Variants in ARHGAP10 observed in about 807,000 individuals in gnomAD.
ARHGAP10 encodes rho GTPase-activating protein 10.
In ARHGAP10, 87 loss-of-function variants were observed where a neutral mutation model predicts 108.6. That is an observed-to-expected ratio of 0.80 (90% confidence interval 0.67 to 0.96). The LOEUF is 0.96. Among genes scored for constraint, ARHGAP10 ranks in the 40% least tolerant of loss-of-function variants. The pLI, the probability that ARHGAP10 is intolerant of heterozygous loss-of-function variation, is 0.00. For synonymous variants in ARHGAP10, 347 were observed against 341.1 expected (o/e 1.02, Z -0.19); for missense variants, 939 against 954.5 (o/e 0.98, Z 0.21).
chr4:147,753,803 A>G (rs1729262832), intron 1 of ARHGAP10, among the ~76,000 whole-genome samples: 1 of 152,216 alleles, frequency 6.6e-6, no homozygotes, highest in Non-Finnish European at 1.5e-5. Flanking sequence ...TTGAAAATTT[A>G]CATTGGGATG....
intron 1 of ARHGAP10, among the ~76,000 whole-genome samples, chr4:147,796,502 C>CT (rs1281605744): frequency 2.6e-5 from 4 of 151,974 alleles, no homozygotes; most frequent in Non-Finnish European, 4.4e-5. Flanking sequence ...TGGTTCATCT[C>CT]TTTTTTTCCT....
intron 3 of ARHGAP10, among the ~76,000 whole-genome samples, chr4:147,830,322 C>T (rs80057641): frequency 0.04 from 6,063 of 152,132 alleles, 435 homozygotes; most frequent in African/African-American, 0.14. Flanking sequence ...ACAGGCAAGA[C>T]GTGATGCCTG....
chr4:147,756,764 G>T lies in ARHGAP10; in HGVS notation c.154+24309G>T, dbSNP rs192516609. Among the ~76,000 whole-genome samples, 4 of 152,252 alleles carry T rather than the reference G, an allele frequency of 2.6e-5. No homozygotes were observed. In the East Asian group the frequency reaches 7.7e-4, roughly 29 times the overall value. ...AATATATCCTCCCTGGATAAGGGGG[G>T]ACCACTATATTGTTATTGGTCTTAG... On this transcript the variant is annotated intron_variant, in intron 1 of 22. Transcript: ENST00000336498.
intron 1 of ARHGAP10, among the ~76,000 whole-genome samples, chr4:147,767,943 A>T (rs1194547022): frequency 6.6e-6 from 1 of 152,260 alleles, no homozygotes; most frequent in Non-Finnish European, 1.5e-5. Context: ...TTATCAAATT[A>T]TGAAATGTGT....
chr4:147,907,847 C>G (rs2126911971), intron 11 of ARHGAP10, among the ~76,000 whole-genome samples: 1 of 152,244 alleles, frequency 6.6e-6, no homozygotes, highest in South Asian at 2.1e-4. Flanking sequence ...TGTAGTTTTA[C>G]TTCTATTGAT....
chr4:147,867,648 G>A (rs532920988), intron 7 of ARHGAP10, among the ~76,000 whole-genome samples: 14 of 152,058 alleles, frequency 9.2e-5, no homozygotes, highest in Middle Eastern at 3.4e-3. Context: ...GGCAGATCGC[G>A]AGGTCAAGAG....
chr4:148,068,247 A>G (rs1729989575), intron 22 of ARHGAP10, among the ~76,000 whole-genome samples: 1 of 152,190 alleles, frequency 6.6e-6, no homozygotes, highest in Non-Finnish European at 1.5e-5. Context: ...TGGCAGCGGC[A>G]GCAGCAGCGG....
chr4:147,895,227 G>A (rs1263714540), intron 10 of ARHGAP10, among the ~76,000 whole-genome samples: 1 of 151,570 alleles, frequency 6.6e-6, no homozygotes, highest in Non-Finnish European at 1.5e-5. Flanking sequence ...TAAAATATTT[G>A]TTTTACCTTT....
intron 1 of ARHGAP10, among the ~76,000 whole-genome samples, chr4:147,792,905 T>TTC (rs1731172383): frequency 6.6e-6 from 1 of 152,312 alleles, no homozygotes; most frequent in Admixed American, 6.5e-5. Context: ...ATCCCAGCAC[T>TTC]TTGGGAGGCC....
At chr4:147,896,742 G>C (rs76846050) in intron 10 of ARHGAP10, among the ~76,000 whole-genome samples, 222 of 151,528 alleles carry the variant, frequency 1.5e-3, no homozygotes, top group African/African-American at 5.1e-3. Flanking sequence ...TTTTGAGATG[G>C]GCATTTGAAT....
At chr4:147,739,801 TC>T (rs1308045302) in intron 1 of ARHGAP10, among the ~76,000 whole-genome samples, 1 of 151,426 alleles carries the variant, frequency 6.6e-6, no homozygotes, top group African/African-American at 2.4e-5. Context: ...AATGGCATGA[TC>T]TTGGTTCACT....
chr4:147,867,588 G>A (rs550307896), intron 7 of ARHGAP10, among the ~76,000 whole-genome samples: 40 of 152,166 alleles, frequency 2.6e-4, no homozygotes, highest in Middle Eastern at 3.4e-3. Flanking sequence ...AGAGTGGGCC[G>A]GGCACAGTGG....
chr4:147,958,779 A>G (rs1257966796), intron 16 of ARHGAP10, among the ~76,000 whole-genome samples: 2 of 152,202 alleles, frequency 1.3e-5, no homozygotes, highest in South Asian at 2.1e-4. Context: ...TGACATTTCA[A>G]TATTGAAATA....
chr4:147,975,547 A>G (rs576735737), intron 18 of ARHGAP10, among the ~76,000 whole-genome samples: 4 of 152,330 alleles, frequency 2.6e-5, no homozygotes, highest in East Asian at 1.9e-4. Flanking sequence ...GGCCTTCTTG[A>G]TGCATCATCT....
intron 18 of ARHGAP10, among the ~76,000 whole-genome samples, chr4:147,977,272 A>T (rs1357233687): frequency 6.6e-6 from 1 of 152,196 alleles, no homozygotes; most frequent in East Asian, 1.9e-4. Flanking sequence ...GGAAGGAAAG[A>T]ATGAGAGGGC....
chr4:147,930,175 C>G (rs548579761), intron 13 of ARHGAP10, among the ~76,000 whole-genome samples: 54 of 152,172 alleles, frequency 3.5e-4, no homozygotes, highest in African/African-American at 1.2e-3. Flanking sequence ...TTTACAGAAC[C>G]ATGGAATTTG....
At chr4:147,972,268 A>G (rs1370093164) in intron 18 of ARHGAP10, among the ~76,000 whole-genome samples, 1 of 152,200 alleles carries the variant, frequency 6.6e-6, no homozygotes, top group Non-Finnish European at 1.5e-5. Flanking sequence ...TATAAAGGGT[A>G]TTAATGTAAT....
chr4:147,946,791 ATAGT>A (rs2126971479), intron 15 of ARHGAP10, 87 bp downstream of exon 15: 2 of 1,041,882 alleles, frequency 1.9e-6, no homozygotes, highest in South Asian at 5.6e-5. Context: ...ATAAATATCA[ATAGT>A]TAAATTAAGC....
chr4:148,060,255 G>A (rs10027182), intron 20 of ARHGAP10, among the ~76,000 whole-genome samples: 105,522 of 151,804 alleles, frequency 0.7, 37,288 homozygotes, highest in East Asian at 0.84. Flanking sequence ...CATTTTAGAT[G>A]ATATTTAAAA....
Sources: gnomAD v4.1 joint callset for allele counts (sites outside exome capture counted in the v4.1 genomes callset) on GRCh38, gnomAD v4.1.1 for gene constraint, MANE v1.5 for transcripts, NCBI Gene and HGNC (gene_info 2026-07-23, HGNC 2026-07-21) for gene names.